The following FADS3 variants were observed in gnomAD, a reference collection of about 807,000 sequenced individuals.
The protein encoded by FADS3 is cytochrome b5-related protein.
FADS3 carries 30 observed loss-of-function variants against 60.4 expected under a neutral mutation model. That is an observed-to-expected ratio of 0.50 (90% confidence interval 0.37 to 0.67). The LOEUF (loss-of-function observed/expected upper bound fraction) is 0.67. Among genes scored for constraint, FADS3 ranks in the 30% least tolerant of loss-of-function variants. The pLI is 0.00. For synonymous variants in FADS3, 234 were observed against 249.3 expected (o/e 0.94, Z 0.58); for missense variants, 432 against 598.3 (o/e 0.72, Z 2.90).
intron 3 of FADS3, 35 bp from the exon 4 acceptor site, chr11:61,878,882 A>G: frequency 6.3e-7 from 1 of 1,597,802 alleles, no homozygotes; most frequent in South Asian, 1.1e-5. Flanking sequence ...GCTGTTGGGA[A>G]GGACGGAGCC....
chr11:61,877,690 G>A lies in FADS3; in HGVS notation c.809-103C>T, dbSNP rs951969550. ...GTTACTCCAGGAATGCCCCTGGGAC[G>A]TTGGTGCTGGTCACATCCAGCTGAA... On this transcript the variant is annotated intron_variant, in intron 6 of 11. Transcript: ENST00000278829. The surrounding 1 kb of genome is among the most constrained non-coding windows in gnomAD (Gnocchi z 4.7). The A allele has an allele frequency of 1.2e-5, 13 of 1,041,674 alleles. No individual in the cohort carries two copies. The highest frequency in any genetic ancestry group is 6.4e-5 in the African/African-American group (4 of 62,868). The allele number at this position is 1,041,674 out of a possible 1,614,324, so 64.5% of individuals were successfully genotyped here.
chr11:61,891,194 C>T lies in FADS3; in HGVS notation c.188G>A (p.Gly63Asp), dbSNP rs868314067. 2 of 1,563,506 alleles carry T rather than the reference C, an allele frequency of 1.3e-6. No individual in the cohort carries two copies. The highest frequency in any genetic ancestry group is 1.7e-6 in the Non-Finnish European group (2 of 1,154,216). ...CGTGGCGTCCTCAGCGCCGTGGTGG[C>T]CGATGAGGCGGCTGCCCCCTGGGTG... The part of the protein sequence containing the change: ...QRHPGGSRLI[G>D]HHGAEDATDA... Residue 63 changes from glycine (G) to aspartate (D), a missense_variant, in exon 1 of 12, where the codon GGC becomes GAC. Gly to Asp is a moderately conservative substitution (Grantham distance 94). Around this residue, in one of 5 missense-constraint regions of FADS3, gnomAD observed 167 missense variants for 188.8 expected, o/e 0.88. Transcript: ENST00000278829.
rs201936141 is a variant in FADS3, at chr11:61,876,340, C to A, written c.1080+19G>T. 3.8e-6 allele frequency: 6 copies of A among 1,599,072 alleles called. No individual in the cohort carries two copies. Among genetic ancestry groups the A allele is most frequent in the East Asian group, 2.2e-5 (1 of 44,814 alleles). On this transcript the variant is annotated intron_variant, in intron 9 of 11. Coordinates refer to ENST00000278829, the MANE Select transcript of FADS3 (RefSeq NM_021727.5). The surrounding 1 kb of genome is among the most constrained non-coding windows in gnomAD (Gnocchi z 5.7). ...GACCCCCCACCCCACCCAGGATGGG[C>A]CCCACCCCTGCTGCCCACCTGAGAG...
Position 61,878,295 on chromosome 11 carries a change from G to A in FADS3, c.748-80C>T, listed in dbSNP as rs549610651. 9.3e-6 allele frequency: 14 copies of A among 1,501,764 alleles called. No individual in the cohort carries two copies. The East Asian group carries it at 2.9e-4, about 31-fold the overall frequency. The allele number at this position is 1,501,764 out of a possible 1,614,324, so 93.0% of individuals were successfully genotyped here. A position where few individuals can be genotyped will look rare whatever the true frequency, so the allele number is the denominator to read the frequency against. The stretch of plus-strand genomic sequence containing the variant: ...CCGGGCAAGGTCACGGGGCTGGCTG[G>A]GGCCAAGGGTCAAAGGCAACTCTAG... On this transcript the variant is annotated intron_variant, in intron 5 of 11. Coordinates refer to ENST00000278829, the MANE Select transcript of FADS3 (RefSeq NM_021727.5).
chr11:61,885,787 C>T (rs1385300304), intron 1 of FADS3, among the ~76,000 whole-genome samples: 1 of 152,170 alleles, frequency 6.6e-6, no homozygotes, highest in African/African-American at 2.4e-5. Context: ...TCGCTGCCTT[C>T]TCATGCCTTT....
intron 1 of FADS3, among the ~76,000 whole-genome samples, chr11:61,888,073 G>A (rs1398987231): frequency 6.6e-6 from 1 of 152,142 alleles, no homozygotes; most frequent in African/African-American, 2.4e-5. Flanking sequence ...CAGCGGCTGG[G>A]CCTCATCCCT....
At chr11:61,883,565 A>G (rs983961805) in intron 1 of FADS3, among the ~76,000 whole-genome samples, 22 of 152,198 alleles carry the variant, frequency 1.4e-4, no homozygotes, top group African/African-American at 4.8e-4. Context: ...AGCCTTGCAC[A>G]CATGGTACGC....
chr11:61,874,571 C>A (rs1163516183), intron 11 of FADS3, among the ~76,000 whole-genome samples: 3 of 152,238 alleles, frequency 2.0e-5, no homozygotes, highest in African/African-American at 7.2e-5. Flanking sequence ...GCCAGTCATT[C>A]CCAGTAGGGG....
intron 3 of FADS3, among the ~76,000 whole-genome samples, 155 bp downstream of exon 3, chr11:61,879,157 C>G (rs1938027236): frequency 6.6e-6 from 1 of 152,244 alleles, no homozygotes; most frequent in Non-Finnish European, 1.5e-5. Context: ...GCCTGATGGG[C>G]CTTCAGACTG....
chr11:61,873,810 G>C lies in FADS3; in HGVS notation c.*4C>G. ...GCCCTTCTCTGCCCGCCTGGGTGTT[G>C]CCTTCACTGATGGAGGTAGGCGTCC... On this transcript the variant is annotated 3_prime_UTR_variant, in exon 12 of 12. Coordinates refer to ENST00000278829, the MANE Select transcript of FADS3 (RefSeq NM_021727.5). 1 of 1,610,540 alleles carries C rather than the reference G, an allele frequency of 6.2e-7. No homozygotes were observed. Among genetic ancestry groups the C allele is most frequent in the Non-Finnish European group, 8.5e-7 (1 of 1,178,686 alleles).
rs1392322856 is a variant in FADS3, at chr11:61,877,463, T to G, written c.885+48A>C. On this transcript the variant is annotated intron_variant, in intron 7 of 11. Coordinates refer to ENST00000278829, the MANE Select transcript of FADS3 (RefSeq NM_021727.5). This position sits in a 1 kb window ranked among gnomAD's most constrained non-coding sequence, Gnocchi z 4.7. ...AGGTACTGTCCCCCGAGGCACCACC[T>G]CCTGCCACGGCAGCCGTATGCCCGG... 1 of 1,585,686 alleles carries G rather than the reference T, an allele frequency of 6.3e-7. No individual in the cohort carries two copies. Among genetic ancestry groups the G allele is most frequent in the East Asian group, 2.2e-5 (1 of 44,732 alleles).
At position 61,877,037 on chromosome 11, in the gene FADS3, G is replaced by A. The variant is rs1431615586; in HGVS notation, c.886-74C>T. On this transcript the variant is annotated intron_variant, in intron 7 of 11. Transcript: ENST00000278829. The surrounding 1 kb of genome is among the most constrained non-coding windows in gnomAD (Gnocchi z 4.7). ...GGTCTGGAGGCCTGGTGGGTGGGAGGAGGACCTCAGGCATCCAACCCTTCT... is the reference window on the plus strand; with the variant it reads ...GGTCTGGAGGCCTGGTGGGTGGGAGAAGGACCTCAGGCATCCAACCCTTCT... The A allele has an allele frequency of 2.0e-5, 21 of 1,061,400 alleles. No homozygotes were observed. The highest frequency in any genetic ancestry group is 2.7e-4 in the Middle Eastern group (1 of 3,760). 65.7% of individuals were successfully genotyped at this position (1,061,400 alleles called of 1,614,324 possible). A position where few individuals can be genotyped will look rare whatever the true frequency, so the allele number is the denominator to read the frequency against.
At chr11:61,885,089 G>A (rs779401701) in intron 1 of FADS3, among the ~76,000 whole-genome samples, 1 of 152,144 alleles carries the variant, frequency 6.6e-6, no homozygotes, top group African/African-American at 2.4e-5. Flanking sequence ...ATTCGAACCC[G>A]GGCCCATCTT....
In FADS3 at chr11:61,877,647, G is replaced by A. The variant is rs1449102829; in HGVS notation, c.809-60C>T. The A allele has an allele frequency of 1.6e-5, 23 of 1,482,060 alleles. No individual in the cohort carries two copies. Among genetic ancestry groups the A allele is most frequent in the Admixed American group, 3.6e-5 (2 of 55,492 alleles). 91.8% of individuals were successfully genotyped at this position (1,482,060 alleles called of 1,614,324 possible). ...GGCTGGGCTGCCAAGGTGAGTGGGC[G>A]CCAGAGTGAGGGGCTCTGTTACTCC... On this transcript the variant is annotated intron_variant, in intron 6 of 11. Coordinates refer to ENST00000278829, the MANE Select transcript of FADS3 (RefSeq NM_021727.5). This position sits in a 1 kb window ranked among gnomAD's most constrained non-coding sequence, Gnocchi z 4.7.
chr11:61,876,581 C>T lies in FADS3; in HGVS notation c.984-126G>A, dbSNP rs539945580. 8.5e-5 allele frequency: 66 copies of T among 772,448 alleles called. No individual in the cohort carries two copies. The highest frequency in any genetic ancestry group is 2.5e-4 in the Middle Eastern group (1 of 4,014). The allele number at this position is 772,448 out of a possible 1,614,324, so 47.8% of individuals were successfully genotyped here. A position where few individuals can be genotyped will look rare whatever the true frequency, so the allele number is the denominator to read the frequency against. The stretch of plus-strand genomic sequence containing the variant: ...ATCTGTACAATAGGATTGTGGCCAT[C>T]GCCCCCTTGCCAGTGTTTAAAGAAT... On this transcript the variant is annotated intron_variant, in intron 8 of 11. Coordinates refer to ENST00000278829, the MANE Select transcript of FADS3 (RefSeq NM_021727.5). The surrounding 1 kb of genome is among the most constrained non-coding windows in gnomAD (Gnocchi z 5.7).
chr11:61,880,176 G>GGACA, intron 1 of FADS3, 25 bp from the exon 2 acceptor site: 1 of 1,592,180 alleles, frequency 6.3e-7, no homozygotes, highest in Non-Finnish European at 8.6e-7. Flanking sequence ...ACAGTCAGGC[G>GGACA]GACAGACAGA....
intron 3 of FADS3, 28 bp downstream of exon 3, chr11:61,879,284 G>C: frequency 6.5e-7 from 1 of 1,546,926 alleles, no homozygotes; most frequent in Non-Finnish European, 8.7e-7. Context: ...GGGCAGTTAA[G>C]GTGGCTGCAA....
At position 61,891,135 on chromosome 11, in the gene FADS3, C is replaced by T. The variant is rs757269160; in HGVS notation, c.213+34G>A. On this transcript the variant is annotated intron_variant, in intron 1 of 11. Coordinates refer to ENST00000278829, the MANE Select transcript of FADS3 (RefSeq NM_021727.5). Reference sequence around the variant, plus strand: ...CCCACGACCGAGCTCCAGGCTCCACCCGCCGGTGGGTGGCTTCCTTATGGC... The same window carrying T: ...CCCACGACCGAGCTCCAGGCTCCACTCGCCGGTGGGTGGCTTCCTTATGGC... The T allele has an allele frequency of 2.0e-6, 3 of 1,536,482 alleles. No homozygotes were observed. In the East Asian group the frequency reaches 7.4e-5, roughly 38 times the overall value.
chr11:61,878,778 C>T lies in FADS3; in HGVS notation c.592G>A (p.Val198Met), dbSNP rs116061818. The T allele has an allele frequency of 1.2e-4, 199 of 1,614,148 alleles. No homozygotes were observed. In the African/African-American group the frequency reaches 2.4e-3, roughly 20 times the overall value. ...TGCCCCATCACGAACTTCTGGGCCACGTGGTTCCACCAGGACTTCTTGAAG... is the reference window on the plus strand; with the variant it reads ...TGCCCCATCACGAACTTCTGGGCCATGTGGTTCCACCAGGACTTCTTGAAG... ...SIFKKSWWNH[V>M]AQKFVMGQLK... The change falls in exon 4 of 12, where the codon GTG (valine) becomes ATG (methionine). Residue 198 changes from valine (V) to methionine (M), a missense_variant. Coordinates refer to ENST00000278829, the MANE Select transcript of FADS3 (RefSeq NM_021727.5).
Sources: allele counts gnomAD v4.1 joint callset (sites outside exome capture counted in the v4.1 genomes callset), GRCh38; gene constraint gnomAD v4.1.1; regional missense constraint gnomAD v4.1.1; non-coding constraint Gnocchi (gnomAD v3.1); transcripts MANE v1.5; gene names NCBI Gene and HGNC (gene_info 2026-07-23, HGNC 2026-07-21).